Variants in KIF15 observed in about 807,000 individuals in gnomAD.
KIF15 encodes the protein kinesin-like protein KIF15.
KIF15 carries 140 observed loss-of-function variants against 190.6 expected under a neutral mutation model. The ratio of observed to expected loss-of-function variants is 0.73; its 90% CI spans 0.64 to 0.84. The LOEUF (loss-of-function observed/expected upper bound fraction) is 0.84. Among genes scored for constraint, KIF15 ranks in the 40% least tolerant of loss-of-function variants. The probability of loss-of-function intolerance (pLI) is 0.00; values close to 1 mark genes in which losing one functional copy is unlikely to be tolerated. For missense variants in KIF15, 1,372 were observed against 1,584.4 expected, an observed-to-expected ratio of 0.87 and a Z score of 2.28; for synonymous variants, 528 against 551.3, an observed-to-expected ratio of 0.96 and a Z score of 0.59.
intron 6 of KIF15, chr3:44,861,824 T>C (rs1699251535): frequency 2.3e-6 from 3 of 1,302,860 alleles, no homozygotes; most frequent in African/African-American, 1.5e-5. Context: ...TGCCGGAGCG[T>C]GGCGTCACAG....
intron 20 of KIF15, among the ~76,000 whole-genome samples, chr3:44,821,298 C>A (rs1361530491): frequency 6.7e-6 from 1 of 149,902 alleles, no homozygotes; most frequent in African/African-American, 2.5e-5. Context: ...GCTGGCCTGG[C>A]GGTGGGTGAC....
At chr3:44,818,059 A>C (rs556331531) in intron 20 of KIF15, among the ~76,000 whole-genome samples, 80 of 152,328 alleles carry the variant, frequency 5.3e-4, no homozygotes, top group African/African-American at 1.6e-3. Flanking sequence ...TTATTGGTAC[A>C]TAGGAATGCT....
chr3:44,785,158 A>G (rs1706350000), intron 6 of KIF15, among the ~76,000 whole-genome samples: 1 of 152,206 alleles, frequency 6.6e-6, no homozygotes, highest in Non-Finnish European at 1.5e-5. Flanking sequence ...TAAAACATGC[A>G]TTATCCTTTA....
chr3:44,866,940 G>A (rs1167600492), intron 6 of KIF15, among the ~76,000 whole-genome samples: 2 of 152,058 alleles, frequency 1.3e-5, no homozygotes, highest in African/African-American at 2.4e-5. Context: ...TTCACCTCTC[G>A]CTGGCAAACT....
At position 44,827,509 on chromosome 3, in the gene KIF15, C is replaced by T. The variant is rs767689315; in HGVS notation, c.2837C>T (p.Thr946Met). ...GTACGTCAGGAGAAACAGAAAGAGA[C>T]GGCCAAGTGTGAGCAGCAGGTAAAA... ...EAVRQEKQKE[T>M]AKCEQQMAKV... Residue 946 changes from threonine to methionine, a missense_variant, in exon 23 of 35, where the codon ACG (threonine) becomes ATG (methionine). Physicochemically the swap from Thr to Met is moderately conservative, Grantham distance 81 (BLOSUM62 -1). Transcript: ENST00000326047. 1.1e-5 allele frequency: 17 copies of T among 1,610,798 alleles called. No homozygotes were observed. Among genetic ancestry groups the T allele is most frequent in the South Asian group, 6.6e-5 (6 of 90,964 alleles).
chr3:44,838,518 G>A (rs572634970), intron 27 of KIF15, 97 bp downstream of exon 27: 7 of 1,239,966 alleles, frequency 5.6e-6, no homozygotes, highest in African/African-American at 3.1e-5. Flanking sequence ...CCAAGGGGGT[G>A]GACCACTTGA....
chr3:44,814,438 T>TGGG (rs1559557683), intron 19 of KIF15, among the ~76,000 whole-genome samples: 10 of 152,064 alleles, frequency 6.6e-5, no homozygotes, highest in Non-Finnish European at 1.2e-4. Flanking sequence ...GCCTCCTGAG[T>TGGG]AGATGGGACC....
intron 14 of KIF15, among the ~76,000 whole-genome samples, chr3:44,804,223 A>G (rs1252303985): frequency 6.6e-6 from 1 of 152,156 alleles, no homozygotes; most frequent in Non-Finnish European, 1.5e-5. Context: ...TGTGGCCTCC[A>G]TAATACCTTG....
At chr3:44,838,019 T>C (rs1698410724) in intron 26 of KIF15, among the ~76,000 whole-genome samples, 1 of 152,154 alleles carries the variant, frequency 6.6e-6, no homozygotes, top group Non-Finnish European at 1.5e-5. Context: ...AGAATGCAAT[T>C]AGACCTCAAA....
In KIF15 at chr3:44,806,785, G is replaced by A. The variant is rs1374183416; in HGVS notation, c.1971+799G>A. Among the ~76,000 whole-genome samples, 4 of 151,874 alleles carry A rather than the reference G, an allele frequency of 2.6e-5. No homozygotes were observed. The East Asian group carries it at 5.8e-4, about 22-fold the overall frequency. On this transcript the variant is annotated intron_variant, in intron 16 of 34. Coordinates refer to ENST00000326047, the MANE Select transcript of KIF15 (RefSeq NM_020242.3). ...TTTTAAGACAGAGTCTTGCTCTGTC[G>A]GCCAGGCTGGAGTGCAGTGGTGCAA...
chr3:44,825,621 G>C (rs985212255), intron 20 of KIF15, among the ~76,000 whole-genome samples: 3 of 152,224 alleles, frequency 2.0e-5, no homozygotes, highest in Non-Finnish European at 4.4e-5. Context: ...CTAGAGCTGA[G>C]AGGATGTATG....
intron 7 of KIF15, among the ~76,000 whole-genome samples, chr3:44,787,098 A>G (rs1441218642): frequency 6.6e-6 from 1 of 152,252 alleles, no homozygotes; most frequent in African/African-American, 2.4e-5. Flanking sequence ...TGCCACAAGC[A>G]TGTAAGTTAC....
chr3:44,795,530 G>A (rs1438959855), intron 8 of KIF15, among the ~76,000 whole-genome samples: 1 of 152,152 alleles, frequency 6.6e-6, no homozygotes, highest in East Asian at 1.9e-4. Context: ...ACCCACTGCT[G>A]TTAAGATTTT....
chr3:44,865,227 C>T (rs550580304), intron 6 of KIF15: 8 of 1,612,170 alleles, frequency 5.0e-6, no homozygotes, highest in Non-Finnish European at 6.8e-6. Context: ...GATGGTGGCC[C>T]AGCCTTGGGA....
At chr3:44,833,611 G>A (rs1186287272) in intron 26 of KIF15, among the ~76,000 whole-genome samples, 1 of 142,830 alleles carries the variant, frequency 7.0e-6, no homozygotes, top group Non-Finnish European at 1.6e-5. Context: ...GCAGTAATGC[G>A]AGCGATGGGG....
At chr3:44,823,988 C>G (rs1198272731) in intron 20 of KIF15, among the ~76,000 whole-genome samples, 1 of 152,174 alleles carries the variant, frequency 6.6e-6, no homozygotes, top group Admixed American at 6.5e-5. Flanking sequence ...CGACGCCCAC[C>G]CTGCTTCAGC....
intron 33 of KIF15, 37 bp from the exon 34 acceptor site, chr3:44,852,171 C>T (rs1266206778): frequency 6.3e-7 from 1 of 1,586,810 alleles, no homozygotes; most frequent in Admixed American, 1.8e-5. Context: ...TTAAGACCTA[C>T]TTCTCATTTT....
chr3:44,864,182 C>A (rs375909438), intron 6 of KIF15: 67 of 1,613,228 alleles, frequency 4.2e-5, no homozygotes, highest in Non-Finnish European at 5.3e-5. Flanking sequence ...GCTGCAGTGA[C>A]ACTTTCTCCT....
intron 8 of KIF15, among the ~76,000 whole-genome samples, chr3:44,797,230 T>C (rs1421133497): frequency 6.6e-6 from 1 of 152,134 alleles, no homozygotes; most frequent in Admixed American, 6.5e-5. Flanking sequence ...GGTTTTGCCA[T>C]GTTGCCCAGG....
Sources: allele counts gnomAD v4.1 joint callset (sites outside exome capture counted in the v4.1 genomes callset), GRCh38; gene constraint gnomAD v4.1.1; transcripts MANE v1.5; gene names NCBI Gene and HGNC (gene_info 2026-07-23, HGNC 2026-07-21).